The following PARD3B variants were observed in gnomAD, a reference collection of about 807,000 sequenced individuals.
The protein encoded by PARD3B is partitioning defective 3 homolog B.
PARD3B carries 103 observed loss-of-function variants against 130.2 expected under a neutral mutation model. That is an observed-to-expected ratio of 0.79 (90% CI 0.67 to 0.93). The LOEUF (loss-of-function observed/expected upper bound fraction) is 0.93, where lower values mean the gene tolerates loss of function less well. Among genes scored for constraint, PARD3B ranks in the 40% least tolerant of loss-of-function variants. The probability of loss-of-function intolerance (pLI) is 0.00; values close to 1 mark genes in which losing one functional copy is unlikely to be tolerated. For synonymous variants in PARD3B, 583 were observed against 553.2 expected (o/e 1.05, Z -0.76); for missense variants, 1,609 against 1,499.2 (o/e 1.07, Z -1.21).
At chr2:205,184,218 A>T (rs2035964677) in intron 13 of PARD3B, among the ~76,000 whole-genome samples, 1 of 152,180 alleles carries the variant, frequency 6.6e-6, no homozygotes, top group African/African-American at 2.4e-5. Context: ...TGAGATTGAC[A>T]TATAAAATTA....
chr2:205,083,232 T>A (rs929813229), intron 4 of PARD3B, among the ~76,000 whole-genome samples: 4 of 152,024 alleles, frequency 2.6e-5, no homozygotes, highest in African/African-American at 4.8e-5. Context: ...ATACATCAAT[T>A]TTTTTAAAAT....
chr2:205,463,934 A>G lies in PARD3B; in HGVS notation c.3044+23262A>G, dbSNP rs952530506. ...TTTTATTGAAGGGATCTTCACTAAA[A>G]CCTTCATCCCAGGTAACCAGGCAGA... On this transcript the variant is annotated intron_variant, in intron 20 of 22. Transcript: ENST00000406610. The surrounding 1 kb of genome is among the most constrained non-coding windows in gnomAD (Gnocchi z 4.8). Among the ~76,000 whole-genome samples the G allele has an allele frequency of 6.6e-6, 1 of 151,954 alleles. No homozygotes were observed. Among genetic ancestry groups the G allele is most frequent in the African/African-American group, 2.4e-5 (1 of 41,374 alleles).
chr2:204,884,424 A>G (rs926005097), intron 2 of PARD3B, among the ~76,000 whole-genome samples: 1 of 152,178 alleles, frequency 6.6e-6, no homozygotes, highest in Non-Finnish European at 1.5e-5. Flanking sequence ...GGAATAGAAA[A>G]TTTCCTTTTG....
intron 4 of PARD3B, among the ~76,000 whole-genome samples, chr2:205,075,770 CT>C (rs1280386056): frequency 1.3e-5 from 2 of 150,960 alleles, no homozygotes; most frequent in Non-Finnish European, 3.0e-5. Context: ...TAACATTTTC[CT>C]TGATCTCTAT....
Position 205,352,581 on chromosome 2 carries a change from G to A in PARD3B, c.2631-48432G>A, listed in dbSNP as rs879106161. 1.3e-5 allele frequency among the ~76,000 whole-genome samples: 2 copies of A among 152,096 alleles called. No homozygotes were observed. The highest frequency in any genetic ancestry group is 6.6e-5 in the Admixed American group (1 of 15,264). On this transcript the variant is annotated intron_variant, in intron 18 of 22. Transcript: ENST00000406610. The surrounding 1 kb of genome is among the most constrained non-coding windows in gnomAD (Gnocchi z 5.2). ...TATCACCTTCAATTTAATATTTCACGAGAAATAGAAGGCACGAAATAACCA... is the reference window on the plus strand; with the variant it reads ...TATCACCTTCAATTTAATATTTCACAAGAAATAGAAGGCACGAAATAACCA...
In PARD3B at chr2:205,616,121, T is replaced by A. The variant is rs1575495764; in HGVS notation, c.*308T>A. On this transcript the variant is annotated 3_prime_UTR_variant, in exon 23 of 23. Coordinates refer to ENST00000406610, the MANE Select transcript of PARD3B (RefSeq NM_001302769.2). ...AACGGAACACACAAACAACTAATTA[T>A]GGAACTCTACTCTGGGGATCCTCTC... 9.0e-6 allele frequency: 3 copies of A among 334,354 alleles called. No homozygotes were observed. In the East Asian group the frequency reaches 1.8e-4, roughly 20 times the overall value. 20.7% of individuals were successfully genotyped at this position (334,354 alleles called of 1,614,324 possible).
chr2:205,164,947 C>G (rs1406983191), intron 11 of PARD3B, among the ~76,000 whole-genome samples: 2 of 151,588 alleles, frequency 1.3e-5, no homozygotes, highest in African/African-American at 2.4e-5. Flanking sequence ...CGTTTTTGTT[C>G]TAGCATTCTG....
intron 11 of PARD3B, 37 bp from the exon 12 acceptor site, chr2:205,172,174 T>C: frequency 6.2e-7 from 1 of 1,601,506 alleles, no homozygotes; most frequent in Non-Finnish European, 8.5e-7. Flanking sequence ...ACCATACTTT[T>C]CTCTGTTGAA....
In PARD3B at chr2:204,814,193, TA is replaced by T. The variant is rs1158087032; in HGVS notation, c.222+127912del. Among the ~76,000 whole-genome samples the T allele has an allele frequency of 2.0e-5, 3 of 151,990 alleles. No homozygotes were observed. In the East Asian group the frequency reaches 5.8e-4, roughly 29 times the overall value. On this transcript the variant is annotated intron_variant, in intron 2 of 22. Coordinates refer to ENST00000406610, the MANE Select transcript of PARD3B (RefSeq NM_001302769.2). ...CTTTGTTACTTATTTGATTTATACT[TA>T]CAGTTTTCATAATTTTTAATTCTAT...
chr2:204,998,358 A>ATGTGTG lies in PARD3B; in HGVS notation c.394+33047_394+33052dup, dbSNP rs59323700. On this transcript the variant is annotated intron_variant, in intron 3 of 22. Transcript: ENST00000406610. The stretch of plus-strand genomic sequence containing the variant: ...TATATATATATATATATATATATAT[A>ATGTGTG]TGTGTGTGTGTGTGTGTATATATGT... Among the ~76,000 whole-genome samples, 19 of 69,824 alleles carry ATGTGTG rather than the reference A, an allele frequency of 2.7e-4. 2 individuals are homozygous for ATGTGTG. Among genetic ancestry groups the ATGTGTG allele is most frequent in the African/African-American group, 1.1e-3 (16 of 14,786 alleles). 45.8% of individuals were successfully genotyped at this position (69,824 alleles called of 152,430 possible).
chr2:205,472,971 G>A (rs1352559547), intron 20 of PARD3B, among the ~76,000 whole-genome samples: 1 of 152,132 alleles, frequency 6.6e-6, no homozygotes. Flanking sequence ...ATAAATGAAT[G>A]AATGAATGAA....
At chr2:204,602,802 G>A (rs1319144045) in intron 1 of PARD3B, among the ~76,000 whole-genome samples, 1 of 152,024 alleles carries the variant, frequency 6.6e-6, no homozygotes, top group Non-Finnish European at 1.5e-5. Context: ...TACTCTAAGT[G>A]TCTCCCGACC....
At chr2:205,349,826 AAG>A (rs1302469303) in intron 18 of PARD3B, among the ~76,000 whole-genome samples, 6 of 148,932 alleles carry the variant, frequency 4.0e-5, no homozygotes, top group African/African-American at 1.5e-4. Context: ...TTTTTAAAAA[AAG>A]AGGAAGCAAA....
intron 21 of PARD3B, among the ~76,000 whole-genome samples, chr2:205,502,790 T>C (rs1258153096): frequency 6.6e-6 from 1 of 152,136 alleles, no homozygotes; most frequent in African/African-American, 2.4e-5. Context: ...TTAGGGTCTA[T>C]GAATATTTTA....
intron 18 of PARD3B, among the ~76,000 whole-genome samples, chr2:205,391,316 T>C (rs1470500086): frequency 1.3e-5 from 2 of 152,216 alleles, no homozygotes; most frequent in Middle Eastern, 3.2e-3. Flanking sequence ...ATTCCAGCCA[T>C]GTGATCTGTT....
chr2:205,149,203 T>TA, intron 10 of PARD3B, among the ~76,000 whole-genome samples: 1 of 152,278 alleles, frequency 6.6e-6, no homozygotes, highest in Non-Finnish European at 1.5e-5. Flanking sequence ...ATTTGTTTTC[T>TA]AAAAAATGGT....
intron 18 of PARD3B, among the ~76,000 whole-genome samples, chr2:205,331,265 CCACACACACACACA>C: frequency 6.7e-6 from 1 of 148,724 alleles, no homozygotes; most frequent in South Asian, 2.2e-4. Flanking sequence ...CACATATATT[CCACACACACACACA>C]CACACACACA....
chr2:204,551,525 C>A (rs2030458670), intron 1 of PARD3B, among the ~76,000 whole-genome samples: 1 of 152,132 alleles, frequency 6.6e-6, no homozygotes, highest in Non-Finnish European at 1.5e-5. Context: ...AGTTTGTGCT[C>A]CTGGATCTTC....
intron 2 of PARD3B, among the ~76,000 whole-genome samples, chr2:204,912,647 T>C (rs2047284187): frequency 6.6e-6 from 1 of 152,168 alleles, no homozygotes; most frequent in Non-Finnish European, 1.5e-5. Context: ...ACAGTGTGTT[T>C]GCCTGTCGAT....
Sources: allele counts gnomAD v4.1 joint callset (sites outside exome capture counted in the v4.1 genomes callset), GRCh38; gene constraint gnomAD v4.1.1; non-coding constraint Gnocchi (gnomAD v3.1); transcripts MANE v1.5; gene names NCBI Gene and HGNC (gene_info 2026-07-23, HGNC 2026-07-21).